PLLP: variants seen among roughly 807,000 people sequenced by gnomAD.
The protein encoded by PLLP is plasma membrane proteolipid (plasmolipin).
In PLLP, 15 loss-of-function variants were observed where a neutral mutation model predicts 19.7. The ratio of observed to expected loss-of-function variants is 0.76; its 90% CI spans 0.51 to 1.17. The LOEUF (loss-of-function observed/expected upper bound fraction) is 1.17, where lower values mean the gene tolerates loss of function less well. Among genes scored for constraint, PLLP ranks in the 50% most tolerant of loss-of-function variants. The pLI, the probability that PLLP is intolerant of heterozygous loss-of-function variation, is 0.00. For synonymous variants in PLLP, 111 were observed against 116.3 expected, an observed-to-expected ratio of 0.95 and a Z score of 0.29; for missense variants, 255 against 258.3, an observed-to-expected ratio of 0.99 and a Z score of 0.09.
intron 1 of PLLP, among the ~76,000 whole-genome samples, chr16:57,281,280 T>C (rs969508132): frequency 2.1e-5 from 3 of 139,940 alleles, no homozygotes; most frequent in East Asian, 4.3e-4. Context: ...AGAACTGGCC[T>C]CTGAGCCTCA....
At chr16:57,262,378 C>T (rs1176732366) in intron 1 of PLLP, among the ~76,000 whole-genome samples, 1 of 152,084 alleles carries the variant, frequency 6.6e-6, no homozygotes, top group Admixed American at 6.6e-5. Flanking sequence ...ATGGTGAAAC[C>T]CTGTCTCCAC....
At chr16:57,273,705 C>T (rs946647393) in intron 1 of PLLP, among the ~76,000 whole-genome samples, 13 of 152,310 alleles carry the variant, frequency 8.5e-5, no homozygotes, top group Non-Finnish European at 1.5e-4. Context: ...TAGTCCTCAC[C>T]GAATTCTGCC....
In PLLP at chr16:57,284,670, G is replaced by A. The variant is rs1359640470; in HGVS notation, c.-130C>T. 2.8e-5 allele frequency: 26 copies of A among 942,586 alleles called. No homozygotes were observed. The highest frequency in any genetic ancestry group is 3.3e-5 in the East Asian group (1 of 30,084). 58.4% of individuals were successfully genotyped at this position (942,586 alleles called of 1,614,324 possible). On this transcript the variant is annotated 5_prime_UTR_variant, in exon 1 of 4. It adds an upstream start codon to the 5' untranslated region. Transcript: ENST00000219207. The stretch of plus-strand genomic sequence containing the variant: ...TGTGGCTCCAGGCGCTGCAGGAGGC[G>A]TCGGGGCTGGGAGCCTGGGGCGCCA...
At chr16:57,271,651 T>G (rs542759764) in intron 1 of PLLP, among the ~76,000 whole-genome samples, 8 of 147,958 alleles carry the variant, frequency 5.4e-5, no homozygotes, top group African/African-American at 1.7e-4. Flanking sequence ...GTCTCAAAAA[T>G]AAAAAAAGAA....
intron 1 of PLLP, among the ~76,000 whole-genome samples, chr16:57,277,365 G>T (rs1045878412): frequency 2.0e-5 from 3 of 152,126 alleles, no homozygotes; most frequent in African/African-American, 7.2e-5. Flanking sequence ...CGAGGCGGGC[G>T]GATCACCTGA....
intron 1 of PLLP, among the ~76,000 whole-genome samples, chr16:57,275,641 CAA>C (rs57139241): frequency 4.1e-4 from 17 of 41,380 alleles, no homozygotes; most frequent in African/African-American, 1.7e-3. Flanking sequence ...TTTTGCAAGG[CAA>C]AAAAAAAAAA....
chr16:57,259,828 T>G (rs1160490484), intron 2 of PLLP, among the ~76,000 whole-genome samples: 1 of 151,770 alleles, frequency 6.6e-6, no homozygotes, highest in Non-Finnish European at 1.5e-5. Flanking sequence ...AATACAAAAA[T>G]TAGCCAAGAG....
In PLLP at chr16:57,256,134, AAC is replaced by A. The variant is rs770588323; in HGVS notation, c.*777_*778del. ...TCTTTATTTTTATTAAAAAAAATAA[AAC>A]AGTCACCACCAACCACATGACAACT... On this transcript the variant is annotated 3_prime_UTR_variant, in exon 4 of 4. Transcript: ENST00000219207. The A allele has an allele frequency of 5.0e-6, 2 of 398,228 alleles. No individual in the cohort carries two copies. The highest frequency in any genetic ancestry group is 8.9e-6 in the Non-Finnish European group (2 of 225,900). 24.7% of individuals were successfully genotyped at this position (398,228 alleles called of 1,614,324 possible).
intron 1 of PLLP, among the ~76,000 whole-genome samples, chr16:57,270,801 G>A (rs1479845443): frequency 3.9e-5 from 6 of 152,130 alleles, no homozygotes; most frequent in South Asian, 2.1e-4. Context: ...CCAGGAAGGC[G>A]ACAGCAGACT....
intron 3 of PLLP, 29 bp downstream of exon 3, chr16:57,258,433 C>T: frequency 1.9e-6 from 3 of 1,603,360 alleles, no homozygotes; most frequent in Non-Finnish European, 2.5e-6. Context: ...CCCTGCAGAC[C>T]ACCAAGGGAG....
chr16:57,278,345 T>C lies in PLLP; in HGVS notation c.135+6061A>G, dbSNP rs113864124. On this transcript the variant is annotated intron_variant, in intron 1 of 3. Transcript: ENST00000219207. ...ACAGAGCACAAGAAGAGCTCTCAGATGCACCAAGTATGAGAAAAGCAACTT... is the reference window on the plus strand; with the variant it reads ...ACAGAGCACAAGAAGAGCTCTCAGACGCACCAAGTATGAGAAAAGCAACTT... Among the ~76,000 whole-genome samples the C allele has an allele frequency of 6.9e-3, 1,049 of 152,216 alleles. 10 individuals carry two copies. The highest frequency in any genetic ancestry group is 0.024 in the African/African-American group (1,003 of 41,520).
chr16:57,266,328 C>T (rs1329207716), intron 1 of PLLP, among the ~76,000 whole-genome samples: 1 of 152,166 alleles, frequency 6.6e-6, no homozygotes, highest in African/African-American at 2.4e-5. Flanking sequence ...CTGCCTGGCT[C>T]TGTGCCTGCG....
chr16:57,258,088 G>A lies in PLLP; in HGVS notation c.432+374C>T, dbSNP rs115737879. 4.6e-3 allele frequency among the ~76,000 whole-genome samples: 698 copies of A among 152,146 alleles called. 7 individuals carry two copies. The highest frequency in any genetic ancestry group is 0.016 in the African/African-American group (657 of 41,502). ...AAATACAAAATACAAAAAAATTAGC[G>A]GGTGTGGCAGCACACACCTCTAGTC... On this transcript the variant is annotated intron_variant, in intron 3 of 3. Coordinates refer to ENST00000219207, the MANE Select transcript of PLLP (RefSeq NM_015993.3).
chr16:57,277,444 G>T (rs1363895998), intron 1 of PLLP, among the ~76,000 whole-genome samples: 1 of 142,186 alleles, frequency 7.0e-6, no homozygotes, highest in East Asian at 2.0e-4. Context: ...ACAAAAATTA[G>T]TCAGGCCATG....
intron 1 of PLLP, 118 bp downstream of exon 1, chr16:57,284,288 T>A: frequency 1.1e-6 from 1 of 948,940 alleles, no homozygotes; most frequent in Non-Finnish European, 1.4e-6. Context: ...GGTGACAGTG[T>A]GAGCCCGGGT....
chr16:57,268,242 G>C (rs1451506817), intron 1 of PLLP, among the ~76,000 whole-genome samples: 1 of 152,220 alleles, frequency 6.6e-6, no homozygotes, highest in East Asian at 1.9e-4. Flanking sequence ...CTTTGTTACG[G>C]CAGCCCCAGG....
chr16:57,258,543 G>A lies in PLLP; in HGVS notation c.351C>T (p.Thr117=), dbSNP rs377539688. The change falls in exon 3 of 4, where the codon ACC becomes ACT. Residue 117 remains threonine, a synonymous_variant. Coordinates refer to ENST00000219207, the MANE Select transcript of PLLP (RefSeq NM_015993.3). ...FNISATVLYI[T]AFIACSAAVD... ...CTGCCGCAGAGCAGGCGATGAAGGC[G>A]GTGATGTAGAGAACGGTGGCGCTGA... is the stretch of plus-strand genomic sequence containing the variant. 41 of 1,613,210 alleles carry A rather than the reference G, an allele frequency of 2.5e-5. No individual in the cohort carries two copies. Among genetic ancestry groups the A allele is most frequent in the East Asian group, 8.9e-5 (4 of 44,894 alleles).
At chr16:57,275,776 A>C (rs1386238668) in intron 1 of PLLP, among the ~76,000 whole-genome samples, 5 of 152,210 alleles carry the variant, frequency 3.3e-5, no homozygotes, top group African/African-American at 7.2e-5. Flanking sequence ...CACTCAGTAG[A>C]ATGAGCAAAG....
intron 1 of PLLP, among the ~76,000 whole-genome samples, chr16:57,274,523 G>A (rs1466705739): frequency 6.9e-6 from 1 of 145,714 alleles, no homozygotes; most frequent in African/African-American, 2.5e-5. Context: ...CACAATCTTG[G>A]CTCACTGCAA....
Sources: allele counts gnomAD v4.1 joint callset (sites outside exome capture counted in the v4.1 genomes callset), GRCh38; gene constraint gnomAD v4.1.1; transcripts MANE v1.5; gene names NCBI Gene and HGNC (gene_info 2026-07-23, HGNC 2026-07-21).